The following LAMB4 variants were observed in gnomAD, a reference collection of about 807,000 sequenced individuals.
LAMB4 encodes laminin subunit beta-4.
A neutral mutation model predicts 199.2 loss-of-function variants in LAMB4; 196 were observed. The observed-to-expected ratio is 0.98, with a 90% CI of 0.88 to 1.11. The LOEUF (loss-of-function observed/expected upper bound fraction) is 1.11. LAMB4 is among the 50% of genes least tolerant of loss of function. LAMB4 has a pLI of 0.00. For synonymous variants in LAMB4, 744 were observed against 770.6 expected (o/e 0.97, Z 0.57); for missense variants, 2,080 against 2,171.2 (o/e 0.96, Z 0.83).
chr7:108,084,226 A>AGAGGCT (rs1372202097), intron 14 of LAMB4, among the ~76,000 whole-genome samples: 1 of 152,222 alleles, frequency 6.6e-6, no homozygotes, highest in African/African-American at 2.4e-5. Context: ...TGCAGCAGCC[A>AGAGGCT]GAGGCTGTAG....
At position 108,058,906 on chromosome 7, in the gene LAMB4, C is replaced by G. The variant is rs145095841; in HGVS notation, c.3283-978G>C. On this transcript the variant is annotated intron_variant, in intron 23 of 33. Coordinates refer to ENST00000388781, the MANE Select transcript of LAMB4 (RefSeq NM_007356.3). Reference sequence around the variant, plus strand: ...TCCTGACCTCAAGCGACCCACCTGCCTCAGCCTCCCAAAGTGCTGGGATTA... The same window carrying G: ...TCCTGACCTCAAGCGACCCACCTGCGTCAGCCTCCCAAAGTGCTGGGATTA... 7.2e-3 allele frequency among the ~76,000 whole-genome samples: 1,093 copies of G among 152,244 alleles called. 6 individuals are homozygous for G. The highest frequency in any genetic ancestry group is 0.014 in the Middle Eastern group (4 of 294).
chr7:108,070,715 T>C (rs1168222886), intron 17 of LAMB4, among the ~76,000 whole-genome samples: 1 of 152,220 alleles, frequency 6.6e-6, no homozygotes, highest in Non-Finnish European at 1.5e-5. Context: ...TTGGTAAGGC[T>C]TTCAGTCAAC....
chr7:108,083,351 G>C (rs973518819), intron 14 of LAMB4, among the ~76,000 whole-genome samples: 1 of 152,238 alleles, frequency 6.6e-6, no homozygotes, highest in Admixed American at 6.5e-5. Flanking sequence ...TTGAGGGCTA[G>C]TGAAGTGGGT....
At chr7:108,078,655 T>C (rs2036802091) in intron 15 of LAMB4, among the ~76,000 whole-genome samples, 2 of 152,210 alleles carry the variant, frequency 1.3e-5, no homozygotes, top group East Asian at 3.8e-4. Flanking sequence ...AATAATAATT[T>C]GGAATCCTTT....
chr7:108,069,911 A>G (rs767456850), intron 17 of LAMB4, 26 bp from the exon 18 acceptor site: 2 of 1,584,650 alleles, frequency 1.3e-6, no homozygotes, highest in South Asian at 2.2e-5. Context: ...AAAAAGACTT[A>G]ACATTCAAAC....
At chr7:108,085,923 A>T (rs1369328093) in intron 14 of LAMB4, among the ~76,000 whole-genome samples, 1 of 152,016 alleles carries the variant, frequency 6.6e-6, no homozygotes, top group Non-Finnish European at 1.5e-5. Flanking sequence ...CTGCATTTTT[A>T]TTTTGCACTG....
intron 2 of LAMB4, among the ~76,000 whole-genome samples, chr7:108,118,141 T>C (rs1426564008): frequency 6.6e-6 from 1 of 152,198 alleles, no homozygotes; most frequent in Non-Finnish European, 1.5e-5. Flanking sequence ...TTTAAAAAAC[T>C]ATATATGAAA....
At chr7:108,015,412 A>G in the LAMB4 span, among the ~76,000 whole-genome samples, 1 of 152,208 alleles carries the variant, frequency 6.6e-6, no homozygotes, top group Admixed American at 6.5e-5. Context: ...CTTTCTAGAA[A>G]GTTCGCAGTG....
At chr7:108,030,767 T>G (rs1236089016) in intron 32 of LAMB4, 39 bp downstream of exon 32, 1 of 1,590,338 alleles carries the variant, frequency 6.3e-7, no homozygotes, top group Non-Finnish European at 8.6e-7. Flanking sequence ...AAAGAAGCCC[T>G]GCTTTTCTGC....
chr7:108,125,041 A>G (rs569675867), intron 1 of LAMB4, among the ~76,000 whole-genome samples: 89 of 152,312 alleles, frequency 5.8e-4, no homozygotes, highest in African/African-American at 2.1e-3. Context: ...TGGAAGTCCA[A>G]TGCTGGAAAG....
rs201031488 is a variant in LAMB4, at chr7:108,095,240, G to A, written c.1458C>T (p.Cys486=). The A allele has an allele frequency of 2.5e-5, 40 of 1,612,272 alleles. No homozygotes were observed. In the Admixed American group the frequency reaches 2.5e-4, roughly 10 times the overall value. ...LCLSYVTGAH[C]EECTVGYWGL... Reference sequence around the variant, plus strand: ...GGCAAATACATACAGTGCATTCTTCGCAGTGTGCTCCGGTGACATATGACA... The same window carrying A: ...GGCAAATACATACAGTGCATTCTTCACAGTGTGCTCCGGTGACATATGACA... Residue 486 remains cysteine (C), a synonymous_variant, in exon 12 of 34, where the codon TGC becomes TGT. Coordinates refer to ENST00000388781, the MANE Select transcript of LAMB4 (RefSeq NM_007356.3).
intron 10 of LAMB4, among the ~76,000 whole-genome samples, chr7:108,098,957 T>C (rs2037725924): frequency 6.6e-6 from 1 of 152,220 alleles, no homozygotes; most frequent in Non-Finnish European, 1.5e-5. Flanking sequence ...TGGTGAACTG[T>C]TGTTCATTTA....
At chr7:108,088,074 T>G (rs1314523479) in intron 14 of LAMB4, among the ~76,000 whole-genome samples, 1 of 152,240 alleles carries the variant, frequency 6.6e-6, no homozygotes, top group Admixed American at 6.5e-5. Flanking sequence ...TTCTGATTTC[T>G]CTTCAGTATT....
chr7:108,039,799 C>T (rs2035358343), intron 29 of LAMB4, among the ~76,000 whole-genome samples: 1 of 152,258 alleles, frequency 6.6e-6, no homozygotes, highest in Middle Eastern at 3.4e-3. Flanking sequence ...TAAAAAAGTT[C>T]TAGTACATCA....
chr7:108,093,548 A>G (rs448742), intron 12 of LAMB4, among the ~76,000 whole-genome samples: 61,239 of 152,080 alleles, frequency 0.4, 12,671 homozygotes, highest in East Asian at 0.58. Context: ...GCATAATAAC[A>G]TGAATCCATA....
At chr7:108,025,663 G>C (rs1182008667) in intron 33 of LAMB4, among the ~76,000 whole-genome samples, 1 of 152,026 alleles carries the variant, frequency 6.6e-6, no homozygotes, top group Non-Finnish European at 1.5e-5. Context: ...CCCAACCTCA[G>C]GTGATCTGCC....
Position 108,023,798 on chromosome 7 carries a change from G to T in LAMB4, c.*241C>A. Reference sequence around the variant, plus strand: ...TTTAAGTTAGGAAAGAGAAAGGAAGGTAAGAGGAAAAGTTTCTGAAACCAG... The same window carrying T: ...TTTAAGTTAGGAAAGAGAAAGGAAGTTAAGAGGAAAAGTTTCTGAAACCAG... On this transcript the variant is annotated 3_prime_UTR_variant, in exon 34 of 34. Coordinates refer to ENST00000388781, the MANE Select transcript of LAMB4 (RefSeq NM_007356.3). 3.3e-6 allele frequency: 1 copy of T among 302,496 alleles called. No homozygotes were observed. Among genetic ancestry groups the T allele is most frequent in the Non-Finnish European group, 6.0e-6 (1 of 166,434 alleles). 18.7% of individuals were successfully genotyped at this position (302,496 alleles called of 1,614,324 possible).
chr7:108,128,570 T>C (rs2038875399), intron 1 of LAMB4, among the ~76,000 whole-genome samples: 1 of 152,116 alleles, frequency 6.6e-6, no homozygotes, highest in Admixed American at 6.5e-5. Flanking sequence ...ATTTTCTATT[T>C]CCCATTTTAG....
intron 30 of LAMB4, among the ~76,000 whole-genome samples, chr7:108,036,436 C>T (rs1016693267): frequency 6.6e-6 from 1 of 152,174 alleles, no homozygotes; most frequent in Non-Finnish European, 1.5e-5. Flanking sequence ...GATCTGCCCG[C>T]CTCAGCCTCC....
Sources: gnomAD v4.1 joint callset for allele counts (sites outside exome capture counted in the v4.1 genomes callset) on GRCh38, gnomAD v4.1.1 for gene constraint, MANE v1.5 for transcripts, NCBI Gene and HGNC (gene_info 2026-07-23, HGNC 2026-07-21) for gene names.